NCALD: variants seen among roughly 807,000 people sequenced by gnomAD.
NCALD encodes neurocalcin delta.
In NCALD, 10 loss-of-function variants were observed where a neutral mutation model predicts 18.6. The observed-to-expected ratio is 0.54, with a 90% confidence interval of 0.33 to 0.91. NCALD has a LOEUF of 0.91. NCALD is among the 40% of genes least tolerant of loss of function. NCALD has a pLI of 0.03. For synonymous variants in NCALD, 88 were observed against 87.4 expected (o/e 1.01, Z -0.04); for missense variants, 184 against 247.6 (o/e 0.74, Z 1.72).
intron 4 of NCALD, among the ~76,000 whole-genome samples, chr8:101,875,937 CTT>C (rs754368785): frequency 2.6e-4 from 39 of 152,196 alleles, no homozygotes; most frequent in Admixed American, 6.5e-5. Context: ...TGAACTGATT[CTT>C]TCTCTATTGT....
At chr8:102,045,452 T>C (rs567220499) in intron 1 of NCALD, among the ~76,000 whole-genome samples, 20 of 152,216 alleles carry the variant, frequency 1.3e-4, no homozygotes, top group Non-Finnish European at 2.8e-4. Context: ...CTTTATTACA[T>C]AACTGAATTA....
intron 1 of NCALD, among the ~76,000 whole-genome samples, chr8:101,751,858 G>T (rs1810674620): frequency 6.6e-6 from 1 of 152,162 alleles, no homozygotes; most frequent in Non-Finnish European, 1.5e-5. Flanking sequence ...TTGACCAGAT[G>T]ATAACCACAT....
intron 2 of NCALD, among the ~76,000 whole-genome samples, chr8:101,971,184 C>CTCTG (rs1820227520): frequency 6.6e-6 from 1 of 152,108 alleles, no homozygotes; most frequent in African/African-American, 2.4e-5. Flanking sequence ...GCCTCAGATA[C>CTCTG]TCTGTTACAG....
At chr8:101,774,656 G>A (rs183485963) in intron 1 of NCALD, among the ~76,000 whole-genome samples, 6 of 152,320 alleles carry the variant, frequency 3.9e-5, no homozygotes, top group Admixed American at 3.3e-4. Flanking sequence ...GTGATGGAGT[G>A]CATGGGCAGT....
intron 3 of NCALD, among the ~76,000 whole-genome samples, chr8:101,899,797 C>T (rs1444423086): frequency 6.6e-6 from 1 of 151,888 alleles, no homozygotes; most frequent in Non-Finnish European, 1.5e-5. Flanking sequence ...AGGATTCTCA[C>T]ATCTATCTTT....
At chr8:102,010,932 T>G (rs1231307477) in intron 2 of NCALD, among the ~76,000 whole-genome samples, 1 of 152,200 alleles carries the variant, frequency 6.6e-6, no homozygotes, top group Non-Finnish European at 1.5e-5. Flanking sequence ...GTTGATAATT[T>G]CAACCAAATG....
At chr8:101,853,185 T>C (rs1148501) in intron 4 of NCALD, among the ~76,000 whole-genome samples, 56,302 of 151,868 alleles carry the variant, frequency 0.37, 13,130 homozygotes, top group African/African-American at 0.66. Context: ...TTAAAACCCA[T>C]AAAGTACTTT....
At chr8:102,090,022 T>C (rs888169043) in intron 1 of NCALD, among the ~76,000 whole-genome samples, 2 of 152,218 alleles carry the variant, frequency 1.3e-5, no homozygotes, top group African/African-American at 4.8e-5. Flanking sequence ...TAGATTTGTC[T>C]ATAAGGTTTT....
Position 101,697,969 on chromosome 8 carries a change from T to A in NCALD, c.379-5073A>T, listed in dbSNP as rs376366502. Among the ~76,000 whole-genome samples the A allele has an allele frequency of 2.6e-4, 40 of 152,252 alleles. 1 individual carries two copies. The highest frequency in any genetic ancestry group is 9.1e-4 in the African/African-American group (38 of 41,548). On this transcript the variant is annotated intron_variant, in intron 2 of 3. Coordinates refer to ENST00000220931, the MANE Select transcript of NCALD (RefSeq NM_032041.3). ...TCAGGCAAGAGAAAGAAATAAAGCA[T>A]ATTCAAATAAGAAGAGAGGAAATCA...
rs1238820193 is a variant in NCALD, at chr8:102,017,142, T to C, written c.-157+3095A>G. On this transcript the variant is annotated intron_variant, in intron 2 of 6. Coordinates refer to the NCALD transcript ENST00000311028. Reference sequence around the variant, plus strand: ...TCAAACAGTATAAAATGGTCTAATATGCGTATAATTGGAGTACCAAACAGG... The same window carrying C: ...TCAAACAGTATAAAATGGTCTAATACGCGTATAATTGGAGTACCAAACAGG... 3.3e-5 allele frequency among the ~76,000 whole-genome samples: 5 copies of C among 152,222 alleles called. 1 individual carries two copies. The South Asian group carries it at 1.0e-3, about 32-fold the overall frequency.
At chr8:102,041,512 C>G (rs1183999418) in intron 1 of NCALD, among the ~76,000 whole-genome samples, 2 of 152,204 alleles carry the variant, frequency 1.3e-5, no homozygotes, top group African/African-American at 4.8e-5. Context: ...TTTTAAAACT[C>G]TGTGCAGACC....
Position 101,689,447 on chromosome 8 carries a change from C to T in NCALD, c.485-41G>A, listed in dbSNP as rs375572710. ...ACAGGTGAGTGGTGGCTGGTGGCAGCTGCATGAGCTTACACCCTTCCCACT... is the reference window on the plus strand; with the variant it reads ...ACAGGTGAGTGGTGGCTGGTGGCAGTTGCATGAGCTTACACCCTTCCCACT... On this transcript the variant is annotated intron_variant, in intron 3 of 3. Transcript: ENST00000220931. This position sits in a 1 kb window ranked among gnomAD's most constrained non-coding sequence, Gnocchi z 4.4. 1.1e-5 allele frequency: 17 copies of T among 1,485,690 alleles called. No individual in the cohort carries two copies. In the African/African-American group the frequency reaches 2.2e-4, roughly 19 times the overall value. 92.0% of individuals were successfully genotyped at this position (1,485,690 alleles called of 1,614,324 possible).
intron 1 of NCALD, among the ~76,000 whole-genome samples, chr8:101,790,020 G>C (rs1812387555): frequency 6.6e-6 from 1 of 152,186 alleles, no homozygotes; most frequent in South Asian, 2.1e-4. Flanking sequence ...CTGTGTTTGA[G>C]TTAAAGTAGA....
chr8:101,807,650 C>CTTCTA (rs1296100026), intron 4 of NCALD, among the ~76,000 whole-genome samples: 2 of 152,094 alleles, frequency 1.3e-5, no homozygotes, highest in Non-Finnish European at 2.9e-5. Flanking sequence ...ATCTGAAAGG[C>CTTCTA]ACATACAAAC....
chr8:101,875,476 C>T (rs367862638), intron 4 of NCALD, among the ~76,000 whole-genome samples: 1 of 152,280 alleles, frequency 6.6e-6, no homozygotes, highest in East Asian at 1.9e-4. Context: ...CTCGGTGCTC[C>T]GTGTCCCCTG....
chr8:101,690,334 T>C (rs924647462), intron 3 of NCALD: 2 of 981,406 alleles, frequency 2.0e-6, no homozygotes, highest in East Asian at 1.1e-4. Context: ...TTGGGAGGAA[T>C]TGCTGGGCAT....
At chr8:101,751,651 C>T (rs1810665172) in intron 1 of NCALD, among the ~76,000 whole-genome samples, 1 of 152,096 alleles carries the variant, frequency 6.6e-6, no homozygotes, top group African/African-American at 2.4e-5. Context: ...GTCACTGGGG[C>T]AGAACTTTCC....
At position 101,692,889 on chromosome 8, in the gene NCALD, T is replaced by C. The variant is rs757125837; in HGVS notation, c.386A>G (p.Tyr129Cys). 1.2e-6 allele frequency: 2 copies of C among 1,612,650 alleles called. No individual in the cohort carries two copies. The highest frequency in any genetic ancestry group is 1.7e-5 in the Admixed American group (1 of 60,000). The part of the protein sequence containing the change: ...AEMLEIVQAI[Y>C]KMVSSVMKMP... ...TTTCATTACAGAGGAAACCATCTTATAGATTGCCTGGGGACAGAAGCGACA... is the reference window on the plus strand; with the variant it reads ...TTTCATTACAGAGGAAACCATCTTACAGATTGCCTGGGGACAGAAGCGACA... Residue 129 changes from tyrosine (Y) to cysteine (C), a missense_variant, in exon 3 of 4, where the codon TAT becomes TGT. Tyr to Cys is a radical substitution (Grantham distance 194). Coordinates refer to ENST00000220931, the MANE Select transcript of NCALD (RefSeq NM_032041.3).
At chr8:102,042,948 T>C (rs1289779672) in intron 1 of NCALD, among the ~76,000 whole-genome samples, 2 of 151,898 alleles carry the variant, frequency 1.3e-5, no homozygotes, top group African/African-American at 4.9e-5. Context: ...TGGCTCCCCT[T>C]ATCTTTCCAT....
Sources: allele counts gnomAD v4.1 joint callset (sites outside exome capture counted in the v4.1 genomes callset), GRCh38; gene constraint gnomAD v4.1.1; non-coding constraint Gnocchi (gnomAD v3.1); transcripts MANE v1.5; gene names NCBI Gene and HGNC (gene_info 2026-07-23, HGNC 2026-07-21).